The following ZFAND3 variants were observed in gnomAD, a reference collection of about 807,000 sequenced individuals.
ZFAND3 encodes the protein AN1-type zinc finger protein 3.
ZFAND3 carries 10 observed loss-of-function variants against 29.6 expected under a neutral mutation model. The ratio of observed to expected loss-of-function variants is 0.34; its 90% CI spans 0.21 to 0.57. ZFAND3 has a LOEUF of 0.57. Ranked by LOEUF, ZFAND3 falls within the 20% of genes least tolerant of loss-of-function variation. The probability of loss-of-function intolerance (pLI) is 0.86; values close to 1 mark genes in which losing one functional copy is unlikely to be tolerated. For missense variants in ZFAND3, 230 were observed against 304.5 expected (o/e 0.76, Z 1.82); for synonymous variants, 128 against 112.6 (o/e 1.14, Z -0.87).
chr6:38,055,835 T>G (rs758118179), intron 2 of ZFAND3, among the ~76,000 whole-genome samples: 3 of 152,188 alleles, frequency 2.0e-5, no homozygotes, highest in Admixed American at 6.5e-5. Context: ...TTATGAAAGG[T>G]TTAAAGTAAC....
chr6:37,942,762 A>G (rs931857553), intron 2 of ZFAND3, among the ~76,000 whole-genome samples: 1 of 150,562 alleles, frequency 6.6e-6, no homozygotes, highest in African/African-American at 2.5e-5. Flanking sequence ...TAGTTTACTA[A>G]TTCACGTCAT....
chr6:37,971,831 G>GAA lies in ZFAND3; in HGVS notation c.112+41851_112+41852dup, dbSNP rs5875604. The stretch of plus-strand genomic sequence containing the variant: ...TAGTGAGACCCCATCTGTACAAAAT[G>GAA]AAAAAAAAAAAAAAAAAAAATTAGC... On this transcript the variant is annotated intron_variant, in intron 2 of 5. Coordinates refer to ENST00000287218, the MANE Select transcript of ZFAND3 (RefSeq NM_021943.3). Among the ~76,000 whole-genome samples, 355 of 117,876 alleles carry GAA rather than the reference G, an allele frequency of 3.0e-3. 3 individuals carry two copies. The highest frequency in any genetic ancestry group is 9.4e-3 in the East Asian group (41 of 4,364). 77.3% of individuals were successfully genotyped at this position (117,876 alleles called of 152,430 possible). A position where few individuals can be genotyped will look rare whatever the true frequency, so the allele number is the denominator to read the frequency against.
intron 2 of ZFAND3, among the ~76,000 whole-genome samples, chr6:38,045,637 C>T (rs1482457253): frequency 6.6e-6 from 1 of 152,080 alleles, no homozygotes; most frequent in African/African-American, 2.4e-5. Flanking sequence ...TTTATGAAAT[C>T]TCCCACATAA....
chr6:37,989,167 C>T (rs1762718663), intron 2 of ZFAND3, among the ~76,000 whole-genome samples: 1 of 152,212 alleles, frequency 6.6e-6, no homozygotes, highest in Admixed American at 6.5e-5. Context: ...CTTGACCTCC[C>T]ACAGTGCTGG....
At chr6:38,061,432 A>G (rs540117976) in intron 2 of ZFAND3, among the ~76,000 whole-genome samples, 161 bp from the exon 3 acceptor site, 69 of 152,216 alleles carry the variant, frequency 4.5e-4, no homozygotes, top group African/African-American at 1.6e-3. Context: ...ACTAATCTTA[A>G]ACGTTTTTGA....
intron 2 of ZFAND3, among the ~76,000 whole-genome samples, chr6:37,968,477 A>G (rs1266032374): frequency 2.0e-5 from 3 of 151,602 alleles, no homozygotes; most frequent in Non-Finnish European, 4.4e-5. Context: ...GGGTGTTAAT[A>G]TGGGGGTGTG....
intron 3 of ZFAND3, among the ~76,000 whole-genome samples, 162 bp from the exon 4 acceptor site, chr6:38,082,230 T>G (rs1764677709): frequency 6.6e-6 from 1 of 151,662 alleles, no homozygotes; most frequent in Non-Finnish European, 1.5e-5. Context: ...TAAAATTAGG[T>G]CCTTAGAATT....
intron 2 of ZFAND3, among the ~76,000 whole-genome samples, chr6:37,935,924 A>G (rs1208552715): frequency 6.6e-6 from 1 of 152,230 alleles, no homozygotes; most frequent in African/African-American, 2.4e-5. Flanking sequence ...TGAAAAGTCA[A>G]GCATAGAGTC....
Position 37,958,773 on chromosome 6 carries a change from T to G in ZFAND3, c.112+28774T>G, listed in dbSNP as rs145177753. On this transcript the variant is annotated intron_variant, in intron 2 of 5. Transcript: ENST00000287218. ...CACCCACCGACGGACAAAATGTACC[T>G]TGTGTTTACATTGCTTGTATTTTAC... 5.1e-3 allele frequency among the ~76,000 whole-genome samples: 743 copies of G among 146,100 alleles called. 9 individuals carry two copies. The highest frequency in any genetic ancestry group is 0.015 in the African/African-American group (612 of 40,074).
intron 1 of ZFAND3, among the ~76,000 whole-genome samples, chr6:37,919,425 C>A (rs1761331536): frequency 6.6e-6 from 1 of 152,158 alleles, no homozygotes; most frequent in South Asian, 2.1e-4. Context: ...GCACAGACAT[C>A]AGACTTCAAT....
intron 1 of ZFAND3, among the ~76,000 whole-genome samples, chr6:37,821,994 C>T (rs1162004873): frequency 2.0e-5 from 3 of 152,142 alleles, no homozygotes; most frequent in Non-Finnish European, 4.4e-5. Flanking sequence ...CCACTATGTC[C>T]GGCTAATTTT....
chr6:37,931,406 G>A (rs1269291136), intron 2 of ZFAND3, among the ~76,000 whole-genome samples: 1 of 152,094 alleles, frequency 6.6e-6, no homozygotes, highest in Non-Finnish European at 1.5e-5. Context: ...TTAGCTGGAT[G>A]TGGTGGTGTG....
At chr6:38,088,797 A>G (rs1764807023) in intron 4 of ZFAND3, among the ~76,000 whole-genome samples, 1 of 152,226 alleles carries the variant, frequency 6.6e-6, no homozygotes, top group Non-Finnish European at 1.5e-5. Context: ...TGTGATTATA[A>G]TTAGTAGAGC....
At chr6:38,148,894 A>T (rs11760121) in intron 5 of ZFAND3, among the ~76,000 whole-genome samples, 10,462 of 152,210 alleles carry the variant, frequency 0.069, 428 homozygotes, top group Non-Finnish European at 0.088. Flanking sequence ...GAAAGAATTG[A>T]GCTTAATTTA....
At chr6:37,978,050 A>G (rs1762519966) in intron 2 of ZFAND3, among the ~76,000 whole-genome samples, 1 of 151,782 alleles carries the variant, frequency 6.6e-6, no homozygotes. Context: ...CTCCTGCCTC[A>G]GCCTCCTCAG....
intron 2 of ZFAND3, among the ~76,000 whole-genome samples, chr6:38,054,409 A>AC (rs1002861940): frequency 3.3e-5 from 5 of 151,284 alleles, no homozygotes; most frequent in Non-Finnish European, 5.9e-5. Context: ...AAAAAAAAAA[A>AC]AAAAACAAGG....
intron 4 of ZFAND3, among the ~76,000 whole-genome samples, chr6:38,091,055 C>G (rs1378806842): frequency 2.6e-5 from 4 of 152,136 alleles, no homozygotes; most frequent in Admixed American, 2.6e-4. Context: ...TGAGAAAAGG[C>G]TGAACATAAG....
At chr6:38,106,839 T>C (rs543796952) in intron 4 of ZFAND3, among the ~76,000 whole-genome samples, 5 of 152,202 alleles carry the variant, frequency 3.3e-5, no homozygotes, top group Non-Finnish European at 5.9e-5. Context: ...ATGAATGAGA[T>C]ATTGGCTGTT....
intron 2 of ZFAND3, among the ~76,000 whole-genome samples, chr6:37,985,449 G>T (rs1203662562): frequency 2.0e-5 from 3 of 151,662 alleles, no homozygotes; most frequent in Non-Finnish European, 4.4e-5. Context: ...GCAACATGGT[G>T]AAACCCTGTC....
Sources: gnomAD v4.1 joint callset for allele counts (sites outside exome capture counted in the v4.1 genomes callset) on GRCh38, gnomAD v4.1.1 for gene constraint, MANE v1.5 for transcripts, NCBI Gene and HGNC (gene_info 2026-07-23, HGNC 2026-07-21) for gene names.